Variants in XRRA1 observed in about 807,000 individuals in gnomAD.
XRRA1 encodes X-ray radiation resistance-associated protein 1.
Under a neutral mutation model 80.2 loss-of-function variants are expected in XRRA1, and 69 were observed. The ratio of observed to expected loss-of-function variants is 0.86; its 90% CI spans 0.71 to 1.05. XRRA1 has a LOEUF of 1.05. XRRA1 is among the 50% of genes least tolerant of loss of function. The pLI is 0.00. For missense variants in XRRA1, 967 were observed against 976.4 expected (o/e 0.99, Z 0.13); for synonymous variants, 348 against 389.9 (o/e 0.89, Z 1.27).
chr11:74,869,853 A>G (rs1178888927), intron 10 of XRRA1, among the ~76,000 whole-genome samples: 1 of 152,142 alleles, frequency 6.6e-6, no homozygotes, highest in African/African-American at 2.4e-5. Context: ...CCCCCTCTCC[A>G]GCAGAAAGCT....
chr11:74,885,649 T>G lies in XRRA1; in HGVS notation c.1003+20590A>C, dbSNP rs564682853. 2.6e-4 allele frequency among the ~76,000 whole-genome samples: 40 copies of G among 152,278 alleles called. No homozygotes were observed. In the South Asian group the frequency reaches 8.3e-3, roughly 32 times the overall value. On this transcript the variant is annotated intron_variant, in intron 10 of 18. Coordinates refer to ENST00000684022, the MANE Select transcript of XRRA1 (RefSeq NM_001378157.1). ...AAATTCTATCAGGTGTATAAAGAAC[T>G]GGTACCATTCCTATTGAAACTATTC... is the stretch of plus-strand genomic sequence containing the variant.
intron 10 of XRRA1, 27 bp from the exon 11 acceptor site, chr11:74,863,048 G>T: frequency 6.3e-7 from 1 of 1,592,848 alleles, no homozygotes. Context: ...ACAGAATGAA[G>T]GTTGGTGAGA....
chr11:74,881,692 A>G (rs74746096), intron 10 of XRRA1, among the ~76,000 whole-genome samples: 1 of 152,038 alleles, frequency 6.6e-6, no homozygotes, highest in Admixed American at 6.6e-5. Context: ...AGCTCTTGTA[A>G]GGCAGGCCTG....
intron 2 of XRRA1, among the ~76,000 whole-genome samples, chr11:74,944,523 G>A (rs1291896724): frequency 6.6e-6 from 1 of 152,120 alleles, no homozygotes; most frequent in Non-Finnish European, 1.5e-5. Flanking sequence ...ACCTCCTTTG[G>A]TCCAACACAG....
At chr11:74,894,672 A>G (rs941850579) in intron 10 of XRRA1, among the ~76,000 whole-genome samples, 4 of 152,192 alleles carry the variant, frequency 2.6e-5, no homozygotes, top group South Asian at 2.1e-4. Flanking sequence ...CCATGATCCA[A>G]TGACTTCCCA....
intron 10 of XRRA1, among the ~76,000 whole-genome samples, chr11:74,877,452 TC>T (rs1320959426): frequency 6.6e-6 from 1 of 151,376 alleles, no homozygotes; most frequent in Non-Finnish European, 1.5e-5. Flanking sequence ...ATAATGGGAT[TC>T]TTTTTTTTTA....
chr11:74,909,237 A>C (rs2055325890), intron 8 of XRRA1, among the ~76,000 whole-genome samples: 2 of 152,230 alleles, frequency 1.3e-5, no homozygotes, highest in Non-Finnish European at 2.9e-5. Flanking sequence ...TTAACAGAGA[A>C]GGCAGGAAGC....
At chr11:74,882,322 T>G (rs2136776722) in intron 10 of XRRA1, among the ~76,000 whole-genome samples, 2 of 151,550 alleles carry the variant, frequency 1.3e-5, no homozygotes, top group African/African-American at 4.8e-5. Flanking sequence ...GGCTTCTGCA[T>G]TCTTCACGTA....
At chr11:74,894,616 C>T (rs573737911) in intron 10 of XRRA1, among the ~76,000 whole-genome samples, 34 of 152,246 alleles carry the variant, frequency 2.2e-4, no homozygotes, top group South Asian at 1.7e-3. Context: ...ACTATCAGAT[C>T]TAATGAGAAC....
At chr11:74,861,720 A>G (rs929836313) in intron 11 of XRRA1, among the ~76,000 whole-genome samples, 6 of 152,246 alleles carry the variant, frequency 3.9e-5, no homozygotes, top group Non-Finnish European at 5.9e-5. Context: ...CTGGAGCCGA[A>G]AAGGTTGGGG....
rs2139753670 is a variant in XRRA1, at chr11:74,937,052, T to C, written c.111A>G (p.Leu37=). 6.2e-7 allele frequency: 1 copy of C among 1,613,768 alleles called. No homozygotes were observed. Among genetic ancestry groups the C allele is most frequent in the South Asian group, 1.1e-5 (1 of 91,038 alleles). ...TCTTGAGGTTACCTTTCTGAACCAC[T>C]AACCAGTGTCCTTGGCCTGTTGAGA... is the stretch of plus-strand genomic sequence containing the variant. ...RVPEEGQGHW[L]VVQKGNLKKK... The change falls in exon 4 of 19, where the codon TTA becomes TTG. Residue 37 remains leucine, a synonymous_variant. Coordinates refer to ENST00000684022, the MANE Select transcript of XRRA1 (RefSeq NM_001378157.1).
Position 74,873,931 on chromosome 11 carries a change from A to G in XRRA1, c.1004-10910T>C, listed in dbSNP as rs560513863. Among the ~76,000 whole-genome samples the G allele has an allele frequency of 5.3e-5, 8 of 151,880 alleles. No homozygotes were observed. In the South Asian group the frequency reaches 1.3e-3, roughly 24 times the overall value. ...GGTATGGTGAGATAGTTTACCCCCT[A>G]TATCACCTCATAAAAAAAACTCAAG... On this transcript the variant is annotated intron_variant, in intron 10 of 18. Transcript: ENST00000684022.
At chr11:74,878,357 A>T (rs1183837001) in intron 10 of XRRA1, among the ~76,000 whole-genome samples, 1 of 151,482 alleles carries the variant, frequency 6.6e-6, no homozygotes, top group Non-Finnish European at 1.5e-5. Flanking sequence ...TAGATTCTGG[A>T]TATTAGCCCT....
At chr11:74,843,520 G>T in intron 18 of XRRA1, 67 bp from the exon 19 acceptor site, 1 of 1,553,608 alleles carries the variant, frequency 6.4e-7, no homozygotes, top group Non-Finnish European at 8.7e-7. Flanking sequence ...GAAGCAAGAG[G>T]ATTGGGTCCA....
intron 12 of XRRA1, among the ~76,000 whole-genome samples, chr11:74,856,288 A>G (rs76616427): frequency 0.014 from 2,112 of 152,358 alleles, 100 homozygotes; most frequent in Admixed American, 0.1. Flanking sequence ...TAGATATGTG[A>G]CAATAGACAA....
chr11:74,937,850 G>A (rs1945376439), intron 3 of XRRA1, among the ~76,000 whole-genome samples: 1 of 152,082 alleles, frequency 6.6e-6, no homozygotes, highest in Non-Finnish European at 1.5e-5. Context: ...GTAAGAGCAG[G>A]GACTTTATCT....
intron 2 of XRRA1, among the ~76,000 whole-genome samples, chr11:74,942,179 C>CG (rs893710504): frequency 1.3e-5 from 2 of 151,780 alleles, no homozygotes; most frequent in African/African-American, 4.8e-5. Flanking sequence ...GTAGGAGAAC[C>CG]GGGGGGTGGA....
intron 10 of XRRA1, among the ~76,000 whole-genome samples, chr11:74,891,995 A>T (rs555121238): frequency 1.3e-5 from 2 of 152,340 alleles, no homozygotes; most frequent in South Asian, 4.1e-4. Context: ...TAATTTATAG[A>T]TTCAATGCCA....
At chr11:74,870,710 T>C (rs1044095060) in intron 10 of XRRA1, among the ~76,000 whole-genome samples, 28 of 152,174 alleles carry the variant, frequency 1.8e-4, no homozygotes, top group Admixed American at 6.5e-5. Context: ...ATGAGGTACC[T>C]TGTCAGCCCT....
Sources: allele counts gnomAD v4.1 joint callset (sites outside exome capture counted in the v4.1 genomes callset), GRCh38; gene constraint gnomAD v4.1.1; transcripts MANE v1.5; gene names NCBI Gene and HGNC (gene_info 2026-07-23, HGNC 2026-07-21).